The following NEK10 variants were observed in gnomAD, a reference collection of about 807,000 sequenced individuals.
NEK10 encodes the protein serine/threonine-protein kinase Nek10.
In NEK10, 122 loss-of-function variants were observed where a neutral mutation model predicts 159.8. That is an observed-to-expected ratio of 0.76 (90% CI 0.66 to 0.89). NEK10 has a LOEUF of 0.89. NEK10 is among the 40% of genes least tolerant of loss of function. The probability of loss-of-function intolerance (pLI) is 0.00; values close to 1 mark genes in which losing one functional copy is unlikely to be tolerated. For missense variants in NEK10, 1,342 were observed against 1,323.1 expected (o/e 1.01, Z -0.22); for synonymous variants, 466 against 457.1 (o/e 1.02, Z -0.25).
chr3:27,146,888 G>A (rs974129608), intron 30 of NEK10, among the ~76,000 whole-genome samples: 1 of 152,192 alleles, frequency 6.6e-6, no homozygotes, highest in Admixed American at 6.6e-5. Context: ...GGCTGCAACT[G>A]AAGAACAGCA....
chr3:27,158,669 T>G (rs1320489474), intron 30 of NEK10, among the ~76,000 whole-genome samples: 1 of 152,176 alleles, frequency 6.6e-6, no homozygotes, highest in Non-Finnish European at 1.5e-5. Flanking sequence ...TCAGGTGCTG[T>G]CTAAATAAAA....
At chr3:27,320,721 G>A (rs1050931551) in intron 6 of NEK10, among the ~76,000 whole-genome samples, 3 of 152,180 alleles carry the variant, frequency 2.0e-5, no homozygotes, top group African/African-American at 7.2e-5. Context: ...TATCCAAAGG[G>A]CTGTGGTTAG....
chr3:27,147,266 T>G (rs1575501809), intron 30 of NEK10, among the ~76,000 whole-genome samples: 5 of 152,170 alleles, frequency 3.3e-5, no homozygotes. Context: ...AGCTTGGGAC[T>G]GAGACACTGA....
chr3:27,189,571 A>G (rs929036963), intron 26 of NEK10, among the ~76,000 whole-genome samples: 4 of 152,156 alleles, frequency 2.6e-5, no homozygotes, highest in African/African-American at 9.6e-5. Flanking sequence ...AATACTGCTT[A>G]AGAAAAAAAG....
At chr3:27,121,690 T>C (rs1219138136) in intron 32 of NEK10, among the ~76,000 whole-genome samples, 1 of 152,170 alleles carries the variant, frequency 6.6e-6, no homozygotes, top group Non-Finnish European at 1.5e-5. Flanking sequence ...TTTGTAAATT[T>C]CCCAGTCTTG....
chr3:27,334,193 C>T (rs1332490691), intron 5 of NEK10, among the ~76,000 whole-genome samples: 1 of 152,242 alleles, frequency 6.6e-6, no homozygotes, highest in African/African-American at 2.4e-5. Context: ...CAAGCCACTA[C>T]AACCACAGCT....
intron 23 of NEK10, among the ~76,000 whole-genome samples, chr3:27,211,329 A>G (rs1329365752): frequency 6.6e-6 from 1 of 152,212 alleles, no homozygotes; most frequent in Non-Finnish European, 1.5e-5. Context: ...GTCACATTTC[A>G]TAGGGACTGT....
chr3:27,350,987 A>G (rs564941038), intron 3 of NEK10, among the ~76,000 whole-genome samples: 3 of 152,284 alleles, frequency 2.0e-5, no homozygotes, highest in African/African-American at 7.2e-5. Context: ...GGCAAAAGTC[A>G]AAGTTGCTGG....
Position 27,192,010 on chromosome 3 carries a change from T to A in NEK10, c.2505+19A>T, listed in dbSNP as rs369076201. ...CCCATTAGAGTGCATCATGAACCGA[T>A]TGAAATATTTGCACTTACGTGAGAT... On this transcript the variant is annotated intron_variant, in intron 26 of 35. Coordinates refer to ENST00000691995, the MANE Select transcript of NEK10 (RefSeq NM_001394966.1). 1.9e-6 allele frequency: 3 copies of A among 1,610,018 alleles called. No homozygotes were observed. In the South Asian group the frequency reaches 3.3e-5, roughly 18 times the overall value.
At chr3:27,232,245 C>A (rs897545010) in intron 23 of NEK10, among the ~76,000 whole-genome samples, 4 of 151,634 alleles carry the variant, frequency 2.6e-5, no homozygotes, top group African/African-American at 9.7e-5. Context: ...GTACACAAAC[C>A]AGTAGCACTG....
At chr3:27,355,207 T>C (rs963671723) in intron 1 of NEK10, among the ~76,000 whole-genome samples, 3 of 152,152 alleles carry the variant, frequency 2.0e-5, no homozygotes, top group African/African-American at 7.2e-5. Context: ...GATGTTGTTA[T>C]GATCTCATGT....
intron 11 of NEK10, among the ~76,000 whole-genome samples, chr3:27,307,282 C>T (rs1177471145): frequency 1.3e-5 from 2 of 152,050 alleles, no homozygotes; most frequent in Admixed American, 1.3e-4. Context: ...ATCTATTTTG[C>T]CTCTTTAGAA....
At chr3:27,225,413 C>A (rs1378351551) in intron 23 of NEK10, among the ~76,000 whole-genome samples, 5 of 150,454 alleles carry the variant, frequency 3.3e-5, no homozygotes, top group Non-Finnish European at 7.4e-5. Context: ...CCATCACACC[C>A]ACTTTGTTAC....
At chr3:27,239,074 G>A (rs536252358) in intron 23 of NEK10, among the ~76,000 whole-genome samples, 14 of 152,022 alleles carry the variant, frequency 9.2e-5, no homozygotes, top group African/African-American at 3.1e-4. Context: ...TTGTGGGAGG[G>A]GACCAATCAA....
chr3:27,214,244 A>T (rs1951278474), intron 23 of NEK10, among the ~76,000 whole-genome samples: 2 of 152,196 alleles, frequency 1.3e-5, no homozygotes, highest in Non-Finnish European at 2.9e-5. Context: ...AACATGTAAA[A>T]CCAAGCTGTA....
At chr3:27,176,379 T>C (rs1256449702) in intron 26 of NEK10, among the ~76,000 whole-genome samples, 1 of 152,234 alleles carries the variant, frequency 6.6e-6, no homozygotes, top group East Asian at 1.9e-4. Flanking sequence ...AGGTCCACCC[T>C]GGTTGGCTAA....
At chr3:27,288,415 C>A (rs1189118257) in intron 19 of NEK10, among the ~76,000 whole-genome samples, 2 of 152,114 alleles carry the variant, frequency 1.3e-5, no homozygotes, top group Non-Finnish European at 2.9e-5. Flanking sequence ...AAATTTCCCA[C>A]CCTTGACATC....
At chr3:27,335,011 T>G (rs1334343707) in intron 5 of NEK10, among the ~76,000 whole-genome samples, 1 of 151,864 alleles carries the variant, frequency 6.6e-6, no homozygotes, top group Non-Finnish European at 1.5e-5. Flanking sequence ...GGATACAAAT[T>G]AGAAATTTAC....
chr3:27,322,466 C>A (rs1289149895), intron 5 of NEK10, among the ~76,000 whole-genome samples: 1 of 151,936 alleles, frequency 6.6e-6, no homozygotes, highest in Non-Finnish European at 1.5e-5. Flanking sequence ...AGGAGAGGCC[C>A]CCCCCAAACT....
Sources: gnomAD v4.1 joint callset for allele counts (sites outside exome capture counted in the v4.1 genomes callset) on GRCh38, gnomAD v4.1.1 for gene constraint, MANE v1.5 for transcripts, NCBI Gene and HGNC (gene_info 2026-07-23, HGNC 2026-07-21) for gene names.